The following PAPPA2 variants were observed in gnomAD, a reference collection of about 807,000 sequenced individuals.
PAPPA2 encodes the protein pappalysin 2.
A neutral mutation model predicts 176.4 loss-of-function variants in PAPPA2; 86 were observed. The observed-to-expected ratio is 0.49, with a 90% CI of 0.41 to 0.58. The LOEUF (loss-of-function observed/expected upper bound fraction) is 0.58, where lower values mean the gene tolerates loss of function less well. Among genes scored for constraint, PAPPA2 ranks in the 20% least tolerant of loss-of-function variants. PAPPA2 has a pLI of 0.00. For missense variants in PAPPA2, 2,073 were observed against 2,256.9 expected (o/e 0.92, Z 1.65); for synonymous variants, 809 against 852.2 (o/e 0.95, Z 0.88).
At chr1:176,762,059 G>C (rs1663722863) in intron 14 of PAPPA2, among the ~76,000 whole-genome samples, 1 of 152,182 alleles carries the variant, frequency 6.6e-6, no homozygotes, top group African/African-American at 2.4e-5. Flanking sequence ...AAGGGGTTTT[G>C]GGGTTGGGGT....
chr1:176,600,539 G>C (rs1319238160), intron 3 of PAPPA2, among the ~76,000 whole-genome samples: 2 of 151,638 alleles, frequency 1.3e-5, no homozygotes, highest in East Asian at 3.9e-4. Flanking sequence ...AGCCGGGCGT[G>C]GTAGCGGGCG....
At chr1:176,593,510 G>C (rs1359596998) in intron 2 of PAPPA2, among the ~76,000 whole-genome samples, 3 of 152,216 alleles carry the variant, frequency 2.0e-5, no homozygotes, top group African/African-American at 4.8e-5. Context: ...CTATGTACTA[G>C]AAGAGGTACT....
Position 176,607,433 on chromosome 1 carries a change from C to A in PAPPA2, c.1991+11838C>A, listed in dbSNP as rs369109456. On this transcript the variant is annotated intron_variant, in intron 3 of 22. Coordinates refer to ENST00000367662, the MANE Select transcript of PAPPA2 (RefSeq NM_020318.3). ...ACCTTTGTGAGGTCAACTTTTTTAG[C>A]TCCCACATATGAGTGAGAGCATGCA... Among the ~76,000 whole-genome samples, 7 of 152,300 alleles carry A rather than the reference C, an allele frequency of 4.6e-5. No homozygotes were observed. In the South Asian group the frequency reaches 1.4e-3, roughly 32 times the overall value.
chr1:176,808,777 A>C (rs979613513), intron 21 of PAPPA2, among the ~76,000 whole-genome samples: 2 of 152,186 alleles, frequency 1.3e-5, no homozygotes, highest in Non-Finnish European at 2.9e-5. Context: ...GAGGGCCAAA[A>C]AAGTGATATA....
In PAPPA2 at chr1:176,771,042, A is replaced by T. The variant is rs1183395653; in HGVS notation, c.4577A>T (p.Asp1526Val). The change falls in exon 17 of 23, where the codon GAT (aspartate) becomes GTT (valine). Residue 1526 changes from aspartate to valine, a missense_variant. By Grantham distance (152) the Asp-to-Val change is radical. Coordinates refer to ENST00000367662, the MANE Select transcript of PAPPA2 (RefSeq NM_020318.3). ...GAAGTCTACTGCAAGTTGGAGTGTGATGCTCCCCCTATTATTCTGAATGCC... is the reference window on the plus strand; with the variant it reads ...GAAGTCTACTGCAAGTTGGAGTGTGTTGCTCCCCCTATTATTCTGAATGCC... ...LPEVYCKLECDAPPIILNANL... is the reference protein window; with the variant it reads ...LPEVYCKLECVAPPIILNANL... The T allele has an allele frequency of 2.0e-5, 33 of 1,613,988 alleles. No individual in the cohort carries two copies. In the Admixed American group the frequency reaches 4.7e-4, roughly 23 times the overall value.
chr1:176,737,794 C>T (rs1183227739), intron 12 of PAPPA2, among the ~76,000 whole-genome samples: 2 of 152,060 alleles, frequency 1.3e-5, no homozygotes, highest in Non-Finnish European at 2.9e-5. Context: ...GAGGTTTAGG[C>T]AGCGACGTTC....
chr1:176,691,018 A>T lies in PAPPA2; in HGVS notation c.2431+588A>T, dbSNP rs530906333. 40 of 985,284 alleles carry T rather than the reference A, an allele frequency of 4.1e-5. No homozygotes were observed. In the Middle Eastern group the frequency reaches 3.1e-3, roughly 77 times the overall value. The allele number at this position is 985,284 out of a possible 1,614,324, so 61.0% of individuals were successfully genotyped here. ...CCACCAAAAGGTGACATCTAATTTT[A>T]AAAAAATGGCATCTTCCTGGCCCTC... On this transcript the variant is annotated intron_variant, in intron 5 of 22. Coordinates refer to ENST00000367662, the MANE Select transcript of PAPPA2 (RefSeq NM_020318.3).
chr1:176,727,729 G>A (rs1459736028), intron 12 of PAPPA2, among the ~76,000 whole-genome samples: 1 of 151,840 alleles, frequency 6.6e-6, no homozygotes, highest in Non-Finnish European at 1.5e-5. Context: ...ACTCACATTT[G>A]TAGAAACACT....
At chr1:176,630,846 T>C (rs1442600998) in intron 3 of PAPPA2, among the ~76,000 whole-genome samples, 1 of 152,184 alleles carries the variant, frequency 6.6e-6, no homozygotes, top group East Asian at 1.9e-4. Context: ...TTCAACTTTA[T>C]TGAACTGAAT....
At chr1:176,545,340 G>A (rs904144281) in intron 1 of PAPPA2, among the ~76,000 whole-genome samples, 9 of 151,568 alleles carry the variant, frequency 5.9e-5, no homozygotes, top group African/African-American at 2.4e-5. Context: ...CCAGTACCTG[G>A]GACAAAGACC....
At chr1:176,575,091 G>A (rs1052890307) in intron 2 of PAPPA2, among the ~76,000 whole-genome samples, 2 of 152,168 alleles carry the variant, frequency 1.3e-5, no homozygotes, top group African/African-American at 4.8e-5. Context: ...CTAAAGCCAT[G>A]TTTATTCTTG....
Position 176,557,117 on chromosome 1 carries a change from C to T in PAPPA2, c.795C>T (p.Phe265=), listed in dbSNP as rs373469891. Residue 265 remains phenylalanine, a synonymous_variant, in exon 2 of 23, where the codon TTC becomes TTT. Transcript: ENST00000367662. ...AAGTAGGACTGCCCATCTTATACTTCTCTGGGAGGCGGGAGCGGCTGCTGC... is the reference window on the plus strand; with the variant it reads ...AAGTAGGACTGCCCATCTTATACTTTTCTGGGAGGCGGGAGCGGCTGCTGC... ...NSQVGLPILY[F]SGRRERLLLR... The T allele has an allele frequency of 5.0e-6, 8 of 1,613,792 alleles. No individual in the cohort carries two copies. Among genetic ancestry groups the T allele is most frequent in the Non-Finnish European group, 5.9e-6 (7 of 1,180,008 alleles).
chr1:176,726,044 T>G (rs905578632), intron 12 of PAPPA2, among the ~76,000 whole-genome samples: 2 of 152,180 alleles, frequency 1.3e-5, no homozygotes, highest in East Asian at 3.9e-4. Context: ...CCTCCCAAAG[T>G]GCTGGGATTA....
At chr1:176,637,503 C>T (rs1299015341) in intron 3 of PAPPA2, among the ~76,000 whole-genome samples, 1 of 152,130 alleles carries the variant, frequency 6.6e-6, no homozygotes, top group African/African-American at 2.4e-5. Flanking sequence ...TTCACATGCT[C>T]CTTCCCTGTC....
chr1:176,726,121 T>C (rs1661857613), intron 12 of PAPPA2, among the ~76,000 whole-genome samples: 1 of 152,206 alleles, frequency 6.6e-6, no homozygotes, highest in Non-Finnish European at 1.5e-5. Flanking sequence ...GGGAAACTTA[T>C]ATTTTTTTCC....
chr1:176,788,008 C>T (rs1242612332), intron 17 of PAPPA2, among the ~76,000 whole-genome samples: 2 of 151,564 alleles, frequency 1.3e-5, no homozygotes, highest in African/African-American at 4.9e-5. Flanking sequence ...TGCAGCGAGC[C>T]GAGATCGCGC....
At chr1:176,828,746 G>A (rs1171324387) in intron 21 of PAPPA2, among the ~76,000 whole-genome samples, 1 of 152,072 alleles carries the variant, frequency 6.6e-6, no homozygotes, top group African/African-American at 2.4e-5. Context: ...GCTCATGCCC[G>A]TAATCCCAGC....
chr1:176,696,281 A>G (rs1472976944), intron 7 of PAPPA2, among the ~76,000 whole-genome samples: 1 of 126,298 alleles, frequency 7.9e-6, no homozygotes, highest in African/African-American at 3.1e-5. Context: ...CGCAGAGAAC[A>G]CTCATGCAAT....
intron 3 of PAPPA2, among the ~76,000 whole-genome samples, chr1:176,619,644 G>C (rs1655473558): frequency 6.6e-6 from 1 of 152,144 alleles, no homozygotes; most frequent in African/African-American, 2.4e-5. Flanking sequence ...TTAAATCTCT[G>C]AACAAGAGTA....
Sources: gnomAD v4.1 joint callset for allele counts (sites outside exome capture counted in the v4.1 genomes callset) on GRCh38, gnomAD v4.1.1 for gene constraint, MANE v1.5 for transcripts, NCBI Gene and HGNC (gene_info 2026-07-23, HGNC 2026-07-21) for gene names.